Variants in SPECC1 observed in about 807,000 individuals in gnomAD.
SPECC1 encodes sperm antigen with calponin homology and coiled-coil domains 1, also known as cytospin-B.
Under a neutral mutation model 104.1 loss-of-function variants are expected in SPECC1, and 62 were observed. That is an observed-to-expected ratio of 0.60 (90% CI 0.49 to 0.74). SPECC1 has a LOEUF of 0.74. Ranked by LOEUF, SPECC1 falls within the 30% of genes least tolerant of loss-of-function variation. The pLI, the probability that SPECC1 is intolerant of heterozygous loss-of-function variation, is 0.00. For synonymous variants in SPECC1, 513 were observed against 501.6 expected, an observed-to-expected ratio of 1.02 and a Z score of -0.30; for missense variants, 1,306 against 1,310.5, an observed-to-expected ratio of 1.00 and a Z score of 0.05.
At chr17:20,018,652 G>A (rs951272135) in intron 1 of SPECC1, among the ~76,000 whole-genome samples, 7 of 152,184 alleles carry the variant, frequency 4.6e-5, no homozygotes, top group Non-Finnish European at 1.0e-4. Context: ...GTGTACTCAC[G>A]GCTGTAATTT....
chr17:20,169,062 G>A (rs963041168), intron 3 of SPECC1, among the ~76,000 whole-genome samples: 3 of 152,022 alleles, frequency 2.0e-5, no homozygotes, highest in Admixed American at 6.6e-5. Flanking sequence ...TTGTAGAGAC[G>A]GGGTTTCACT....
intron 11 of SPECC1, 63 bp from the exon 12 acceptor site, chr17:20,260,128 TG>T: frequency 7.6e-7 from 1 of 1,311,054 alleles, no homozygotes; most frequent in Non-Finnish European, 1.1e-6. Flanking sequence ...ATTTATTTCT[TG>T]TGTATTTGAG....
intron 4 of SPECC1, among the ~76,000 whole-genome samples, chr17:20,223,791 C>T (rs1300137302): frequency 2.6e-5 from 4 of 152,064 alleles, no homozygotes; most frequent in Admixed American, 1.3e-4. Context: ...TTTGAATTTT[C>T]TGTCTGAAAG....
chr17:20,280,907 A>C (rs2040747564), intron 12 of SPECC1, among the ~76,000 whole-genome samples: 1 of 152,366 alleles, frequency 6.6e-6, no homozygotes, highest in East Asian at 1.9e-4. Context: ...CCACTAATTT[A>C]ATCTAGCCAC....
rs57991209 is a variant in SPECC1 at position 20,182,119 on chromosome 17, C to CTTTTTTTTTTTTT, written c.284-22204_284-22203insTTTTTTTTTTTTT. On this transcript the variant is annotated intron_variant, in intron 3 of 14. Transcript: ENST00000395527. ...CAATTTTTTCTTTTTCTTTCTTTTTCTTTTTTTTTTGGAGACAGGGCCTCA... is the reference window on the plus strand; with the variant it reads ...CAATTTTTTCTTTTTCTTTCTTTTTCTTTTTTTTTTTTTTTTTTTTTTTGGAGACAGGGCCTCA... Among the ~76,000 whole-genome samples the CTTTTTTTTTTTTT allele has an allele frequency of 1.3e-4, 18 of 136,578 alleles. 1 individual carries two copies. Among genetic ancestry groups the CTTTTTTTTTTTTT allele is most frequent in the South Asian group, 2.2e-4 (1 of 4,528 alleles). 89.6% of individuals were successfully genotyped at this position (136,578 alleles called of 152,430 possible). A position where few individuals can be genotyped will look rare whatever the true frequency, so the allele number is the denominator to read the frequency against.
At chr17:20,176,342 A>G (rs1442058249) in intron 3 of SPECC1, among the ~76,000 whole-genome samples, 1 of 152,020 alleles carries the variant, frequency 6.6e-6, no homozygotes, top group African/African-American at 2.4e-5. Context: ...CTTTTCAGTC[A>G]TTTTACTTGA....
intron 5 of SPECC1, among the ~76,000 whole-genome samples, chr17:20,229,139 A>G (rs1481629686): frequency 6.6e-6 from 1 of 152,142 alleles, no homozygotes; most frequent in Non-Finnish European, 1.5e-5. Context: ...GCCTTCTCAT[A>G]CTGTACATGT....
At chr17:20,180,083 G>A (rs577539108) in intron 3 of SPECC1, among the ~76,000 whole-genome samples, 17 of 152,212 alleles carry the variant, frequency 1.1e-4, no homozygotes, top group African/African-American at 3.9e-4. Flanking sequence ...GTTAGAAATG[G>A]CAGGTAACTA....
chr17:20,025,485 G>A (rs1395825494), intron 1 of SPECC1, among the ~76,000 whole-genome samples: 1 of 152,152 alleles, frequency 6.6e-6, no homozygotes, highest in Non-Finnish European at 1.5e-5. Context: ...TTTGTGACTG[G>A]CTTCTTTCAC....
chr17:20,129,271 G>C lies in SPECC1; in HGVS notation c.283+18709G>C, dbSNP rs368868286. ...ACCATCTCGGCTCACTGCAAGCTCC[G>C]CCTCCCGGGTTCAAGCCATTCTCCT... is the stretch of plus-strand genomic sequence containing the variant. On this transcript the variant is annotated intron_variant, in intron 3 of 14. Coordinates refer to ENST00000395527, the MANE Select transcript of SPECC1 (RefSeq NM_001243439.2). Among the ~76,000 whole-genome samples the C allele has an allele frequency of 2.0e-5, 3 of 150,614 alleles. No individual in the cohort carries two copies. In the South Asian group the frequency reaches 6.3e-4, roughly 32 times the overall value.
At chr17:20,266,099 A>G (rs1395344125) in intron 12 of SPECC1, among the ~76,000 whole-genome samples, 1 of 152,192 alleles carries the variant, frequency 6.6e-6, no homozygotes, top group African/African-American at 2.4e-5. Context: ...AGTTTTTTCT[A>G]ATTCTTTGAA....
rs1041455075 is a variant in SPECC1, at chr17:20,085,211, C to CTTGGT, written c.-21-11419_-21-11415dup. ...GCAGAAGGGAGCAGGGGCCTGAGCACTTGGTGTGCCTTATCCTCCAACAAA... is the reference window on the plus strand; with the variant it reads ...GCAGAAGGGAGCAGGGGCCTGAGCACTTGGTTTGGTGTGCCTTATCCTCCAACAAA... On this transcript the variant is annotated intron_variant, in intron 1 of 14. Transcript: ENST00000395527. 3.7e-4 allele frequency among the ~76,000 whole-genome samples: 57 copies of CTTGGT among 152,312 alleles called. 1 individual carries two copies. The highest frequency in any genetic ancestry group is 3.1e-3 in the Admixed American group (48 of 15,306).
chr17:20,133,719 C>G (rs1254776715), intron 3 of SPECC1, among the ~76,000 whole-genome samples: 2 of 152,180 alleles, frequency 1.3e-5, no homozygotes, highest in Non-Finnish European at 2.9e-5. Flanking sequence ...GAAAATGGAA[C>G]TTGGCACCTC....
At chr17:20,155,231 C>A in intron 3 of SPECC1, 1 of 152,394 alleles carries the variant, frequency 6.6e-6, no homozygotes, top group Non-Finnish European at 1.5e-5. Context: ...GAGAGGGTAG[C>A]ATCCTGGAAC....
intron 1 of SPECC1, among the ~76,000 whole-genome samples, chr17:20,094,725 A>C (rs760891530): frequency 6.6e-6 from 1 of 151,784 alleles, no homozygotes; most frequent in Non-Finnish European, 1.5e-5. Context: ...TCACTGTCCC[A>C]AGTAGCTGGG....
chr17:20,092,958 T>C (rs2047469199), intron 1 of SPECC1, among the ~76,000 whole-genome samples: 1 of 152,080 alleles, frequency 6.6e-6, no homozygotes, highest in Non-Finnish European at 1.5e-5. Flanking sequence ...GGTGTTTAGG[T>C]GTGTAGGTTT....
At chr17:20,258,034 T>G (rs1455529150) in intron 11 of SPECC1, among the ~76,000 whole-genome samples, 1 of 152,170 alleles carries the variant, frequency 6.6e-6, no homozygotes, top group Non-Finnish European at 1.5e-5. Flanking sequence ...TGTCAGTATT[T>G]GTTGGGTGGA....
At chr17:20,255,601 T>G (rs537487083) in intron 10 of SPECC1, among the ~76,000 whole-genome samples, 1 of 152,326 alleles carries the variant, frequency 6.6e-6, no homozygotes, top group East Asian at 1.9e-4. Context: ...AGAGTCTTGC[T>G]GTCACACAGG....
intron 1 of SPECC1, among the ~76,000 whole-genome samples, chr17:20,023,331 A>AG (rs1008671647): frequency 1.3e-5 from 2 of 152,180 alleles, no homozygotes; most frequent in African/African-American, 4.8e-5. Flanking sequence ...TTAAGGTGCA[A>AG]GGTTATACAT....
Sources: allele counts gnomAD v4.1 joint callset (sites outside exome capture counted in the v4.1 genomes callset), GRCh38; gene constraint gnomAD v4.1.1; transcripts MANE v1.5; gene names NCBI Gene and HGNC (gene_info 2026-07-23, HGNC 2026-07-21).